PRKCZ: variants seen among roughly 807,000 people sequenced by gnomAD.
The protein encoded by PRKCZ is protein kinase C zeta.
Under a neutral mutation model 79.5 loss-of-function variants are expected in PRKCZ, and 33 were observed. The observed-to-expected ratio is 0.41, with a 90% CI of 0.31 to 0.55. PRKCZ has a LOEUF of 0.55. Among genes scored for constraint, PRKCZ ranks in the 20% least tolerant of loss-of-function variants. The probability of loss-of-function intolerance (pLI) is 0.19; values close to 1 mark genes in which losing one functional copy is unlikely to be tolerated. For synonymous variants in PRKCZ, 342 were observed against 320.9 expected, an observed-to-expected ratio of 1.07 and a Z score of -0.70; for missense variants, 578 against 813.5, an observed-to-expected ratio of 0.71 and a Z score of 3.52.
intron 4 of PRKCZ, among the ~76,000 whole-genome samples, chr1:2,068,649 C>T (rs868721360): frequency 2.0e-5 from 3 of 152,198 alleles, no homozygotes; most frequent in Non-Finnish European, 4.4e-5. Context: ...GGAGGCCCAT[C>T]CTCAACGCAC....
In PRKCZ at chr1:2,082,629, G is replaced by A. The variant is rs962588527; in HGVS notation, c.334+23038G>A. Among the ~76,000 whole-genome samples, 2 of 152,194 alleles carry A rather than the reference G, an allele frequency of 1.3e-5. No homozygotes were observed. Among genetic ancestry groups the A allele is most frequent in the Non-Finnish European group, 2.9e-5 (2 of 68,040 alleles). On this transcript the variant is annotated intron_variant, in intron 4 of 17. Coordinates refer to ENST00000378567, the MANE Select transcript of PRKCZ (RefSeq NM_002744.6). This position sits in a 1 kb window ranked among gnomAD's most constrained non-coding sequence, Gnocchi z 4.4. ...CCGATTTCAGGCTGCCGAAGTGGAG[G>A]GGTTCAGTGAAGGTGGAGTTGGGCA...
intron 16 of PRKCZ, among the ~76,000 whole-genome samples, chr1:2,181,025 G>C (rs1484164171): frequency 1.3e-5 from 2 of 152,162 alleles, no homozygotes; most frequent in Non-Finnish European, 2.9e-5. Flanking sequence ...CGTCCATTCT[G>C]TGCCTGACCA....
intron 4 of PRKCZ, among the ~76,000 whole-genome samples, chr1:2,109,550 G>C (rs1421018049): frequency 1.3e-5 from 2 of 152,248 alleles, no homozygotes; most frequent in Non-Finnish European, 2.9e-5. Flanking sequence ...ATGCAGCCAG[G>C]TGTGGGTCCG....
intron 4 of PRKCZ, among the ~76,000 whole-genome samples, chr1:2,077,504 G>T (rs1662664652): frequency 6.6e-6 from 1 of 152,210 alleles, no homozygotes; most frequent in Non-Finnish European, 1.5e-5. Flanking sequence ...GCCAGGCCTG[G>T]TGTCTTGTCC....
chr1:2,088,067 G>A (rs973628577), intron 4 of PRKCZ, among the ~76,000 whole-genome samples: 1 of 152,236 alleles, frequency 6.6e-6, no homozygotes, highest in African/African-American at 2.4e-5. Flanking sequence ...TCTCTGCTGT[G>A]TGGGTGGGGG....
Position 2,178,995 on chromosome 1 carries a change from T to G in PRKCZ, c.1575+3682T>G, listed in dbSNP as rs1225145031. ...ACTCAGGCAGTCGCCGCCACTGGGG[T>G]GTGACTCTGGGGCCCGGCACCGGGT... On this transcript the variant is annotated intron_variant, in intron 16 of 17. Coordinates refer to ENST00000378567, the MANE Select transcript of PRKCZ (RefSeq NM_002744.6). This position sits in a 1 kb window ranked among gnomAD's most constrained non-coding sequence, Gnocchi z 4.3. Among the ~76,000 whole-genome samples, 1 of 152,108 alleles carries G rather than the reference T, an allele frequency of 6.6e-6. No individual in the cohort carries two copies. The highest frequency in any genetic ancestry group is 1.5e-5 in the Non-Finnish European group (1 of 67,998).
At position 2,108,737 on chromosome 1, in the gene PRKCZ, C is replaced by T. The variant is rs990107500; in HGVS notation, c.335-26525C>T. Among the ~76,000 whole-genome samples, 25 of 152,352 alleles carry T rather than the reference C, an allele frequency of 1.6e-4. No homozygotes were observed. In the South Asian group the frequency reaches 4.1e-3, roughly 25 times the overall value. ...CCCTGGTCACCACCCCCTGCCTGTC[C>T]GTCTTGCCTGGGCAGATGGAGGTGG... is the stretch of plus-strand genomic sequence containing the variant. On this transcript the variant is annotated intron_variant, in intron 4 of 17. Transcript: ENST00000378567.
chr1:2,158,064 C>T lies in PRKCZ; in HGVS notation c.974+1972C>T, dbSNP rs1272462351. On this transcript the variant is annotated intron_variant, in intron 10 of 17. Transcript: ENST00000378567. ...CCGCAGGGTCCTGCTCTTGCCTGTG[C>T]TTGGCAGCCACCTCTGTCTGTCGGA... Among the ~76,000 whole-genome samples the T allele has an allele frequency of 2.1e-5, 3 of 143,368 alleles. No homozygotes were observed. The East Asian group carries it at 6.0e-4, about 29-fold the overall frequency. The allele number at this position is 143,368 out of a possible 152,430, so 94.1% of individuals were successfully genotyped here. A position where few individuals can be genotyped will look rare whatever the true frequency, so the allele number is the denominator to read the frequency against.
At chr1:2,053,658 T>G (rs973672088) in intron 1 of PRKCZ, among the ~76,000 whole-genome samples, 8 of 152,144 alleles carry the variant, frequency 5.3e-5, no homozygotes, top group Non-Finnish European at 1.2e-4. Context: ...GGCCGGAAAC[T>G]GGCTTCCACT....
In PRKCZ at chr1:2,149,103, G is replaced by C. The variant is rs1374348635; in HGVS notation, c.687+179G>C. The stretch of plus-strand genomic sequence containing the variant: ...TCCTTATTCTTGGGTCTTACTTCAG[G>C]CATGTCCTTGATGAATACCTGCAGG... On this transcript the variant is annotated intron_variant, in intron 8 of 17. Transcript: ENST00000378567. This position sits in a 1 kb window ranked among gnomAD's most constrained non-coding sequence, Gnocchi z 4.1. Among the ~76,000 whole-genome samples, 4 of 152,210 alleles carry C rather than the reference G, an allele frequency of 2.6e-5. No homozygotes were observed. The highest frequency in any genetic ancestry group is 9.6e-5 in the African/African-American group (4 of 41,452).
At chr1:2,091,578 G>T (rs1172829263) in intron 4 of PRKCZ, among the ~76,000 whole-genome samples, 1 of 152,132 alleles carries the variant, frequency 6.6e-6, no homozygotes, top group African/African-American at 2.4e-5. Flanking sequence ...GCAGTGCCCA[G>T]TGTGGGTCTA....
At chr1:2,101,892 C>T (rs149886904) in intron 4 of PRKCZ, among the ~76,000 whole-genome samples, 44 of 152,164 alleles carry the variant, frequency 2.9e-4, no homozygotes, top group African/African-American at 1.0e-3. Flanking sequence ...ATACAGCGGG[C>T]GTGGTGGATT....
At chr1:2,103,122 C>T (rs1315763444) in intron 4 of PRKCZ, among the ~76,000 whole-genome samples, 3 of 152,178 alleles carry the variant, frequency 2.0e-5, no homozygotes, top group Non-Finnish European at 4.4e-5. Flanking sequence ...ACTTCGCCCG[C>T]CCAAAGTACT....
At chr1:2,054,694 C>T (rs982804189) in intron 1 of PRKCZ, among the ~76,000 whole-genome samples, 6 of 152,134 alleles carry the variant, frequency 3.9e-5, no homozygotes, top group Admixed American at 3.3e-4. Flanking sequence ...TCACCGCTGG[C>T]ACCGTCGAGG....
upstream of PRKCZ, chr1:2,050,048 G>A (rs1659493276): frequency 6.6e-6 from 1 of 152,274 alleles, no homozygotes; most frequent in African/African-American, 2.4e-5. Flanking sequence ...CGGGGCCCTC[G>A]GGCTGGCAGC....
intron 4 of PRKCZ, among the ~76,000 whole-genome samples, chr1:2,084,750 A>G (rs1026702701): frequency 5.9e-5 from 9 of 152,146 alleles, no homozygotes; most frequent in African/African-American, 2.2e-4. Flanking sequence ...CACGCCTGTC[A>G]TCCCAGCACT....
chr1:2,134,134 G>C (rs1027537686), intron 4 of PRKCZ: 1 of 152,186 alleles, frequency 6.6e-6, no homozygotes, highest in Non-Finnish European at 1.5e-5. Context: ...CATCCTGGGA[G>C]GGCTGGGTGG....
chr1:2,101,190 C>A (rs527619698), intron 4 of PRKCZ, among the ~76,000 whole-genome samples: 1 of 152,284 alleles, frequency 6.6e-6, no homozygotes, highest in East Asian at 1.9e-4. Context: ...ATTCCCATAC[C>A]TTTTTAAAAC....
rs1659552370 is a variant in PRKCZ, at chr1:2,050,650, C to A, written c.20C>A (p.Pro7His). The change falls in exon 1 of 18, where the codon CCC (proline) becomes CAC (histidine). Residue 7 changes from proline (P) to histidine (H), a missense_variant. Pro to His is a moderately conservative substitution (Grantham distance 77, BLOSUM62 -2). Around this residue, in one of 4 missense-constraint regions of PRKCZ, gnomAD observed 228 missense variants for 211.6 expected, o/e 1.08. Coordinates refer to ENST00000378567, the MANE Select transcript of PRKCZ (RefSeq NM_002744.6). The part of the protein sequence containing the change: MPSRTG[P>H]KMEGSGGRVR... ...CGCGCCATGCCCAGCAGGACCGGCCCCAAGATGGAAGGGAGCGGCGGCCGC... is the reference window on the plus strand; with the variant it reads ...CGCGCCATGCCCAGCAGGACCGGCCACAAGATGGAAGGGAGCGGCGGCCGC... 2 of 1,227,060 alleles carry A rather than the reference C, an allele frequency of 1.6e-6. No homozygotes were observed. The highest frequency in any genetic ancestry group is 3.1e-5 in the African/African-American group (2 of 64,218). 76.0% of individuals were successfully genotyped at this position (1,227,060 alleles called of 1,614,324 possible). A position where few individuals can be genotyped will look rare whatever the true frequency, so the allele number is the denominator to read the frequency against.
Sources: gnomAD v4.1 joint callset for allele counts (sites outside exome capture counted in the v4.1 genomes callset) on GRCh38, gnomAD v4.1.1 for gene constraint, gnomAD v4.1.1 regional missense constraint, Gnocchi (gnomAD v3.1) non-coding constraint, MANE v1.5 for transcripts, NCBI Gene and HGNC (gene_info 2026-07-23, HGNC 2026-07-21) for gene names.